DSCAM: variants seen among roughly 807,000 people sequenced by gnomAD.
DSCAM encodes cell adhesion molecule DSCAM.
DSCAM carries 47 observed loss-of-function variants against 217.7 expected under a neutral mutation model. The observed-to-expected ratio is 0.22, with a 90% CI of 0.17 to 0.28. The LOEUF (loss-of-function observed/expected upper bound fraction) is 0.28. DSCAM is among the 10% of genes least tolerant of loss of function. The pLI, the probability that DSCAM is intolerant of heterozygous loss-of-function variation, is 1.00. For missense variants in DSCAM, 2,080 were observed against 2,618.3 expected (o/e 0.79, Z 4.49); for synonymous variants, 1,056 against 1,015.3 (o/e 1.04, Z -0.76).
At chr21:40,663,895 T>TG (rs2090170984) in intron 3 of DSCAM, among the ~76,000 whole-genome samples, 1 of 152,204 alleles carries the variant, frequency 6.6e-6, no homozygotes, top group South Asian at 2.1e-4. Flanking sequence ...GTTTGTCACT[T>TG]GCAATCAAGA....
intron 1 of DSCAM, among the ~76,000 whole-genome samples, chr21:40,808,319 T>C (rs6517617): frequency 3.3e-5 from 5 of 152,148 alleles, no homozygotes; most frequent in African/African-American, 9.6e-5. Flanking sequence ...AGACCCAAAG[T>C]TCACAAAAAA....
chr21:40,253,135 C>T (rs2073327091), intron 11 of DSCAM, among the ~76,000 whole-genome samples: 1 of 152,132 alleles, frequency 6.6e-6, no homozygotes, highest in Non-Finnish European at 1.5e-5. Context: ...GCCTAAGTTT[C>T]CATGGACACT....
chr21:40,662,057 C>A (rs1016303504), intron 3 of DSCAM, among the ~76,000 whole-genome samples: 3 of 152,112 alleles, frequency 2.0e-5, no homozygotes, highest in Non-Finnish European at 4.4e-5. Context: ...AGCCCGTGGG[C>A]ATCAGCACTG....
At chr21:40,138,557 G>T (rs983841224) in intron 18 of DSCAM, among the ~76,000 whole-genome samples, 3 of 147,916 alleles carry the variant, frequency 2.0e-5, no homozygotes, top group African/African-American at 7.5e-5. Flanking sequence ...TATGTGTGGT[G>T]TGTGACATAT....
At chr21:40,632,974 A>G (rs776196628) in intron 3 of DSCAM, among the ~76,000 whole-genome samples, 26 of 152,220 alleles carry the variant, frequency 1.7e-4, no homozygotes, top group Non-Finnish European at 2.5e-4. Flanking sequence ...TATTTGTCCT[A>G]AGAGAATTTA....
Position 40,692,791 on chromosome 21 carries a change from C to T in DSCAM, c.508+19G>A. ...GAAGGTGAGCGTGGTGTCCTGCACCCTGGAGACGCAAAGCCTACCTGAGAC... is the reference window on the plus strand; with the variant it reads ...GAAGGTGAGCGTGGTGTCCTGCACCTTGGAGACGCAAAGCCTACCTGAGAC... On this transcript the variant is annotated intron_variant, in intron 3 of 32. Coordinates refer to ENST00000400454, the MANE Select transcript of DSCAM (RefSeq NM_001389.5). 5 of 1,606,290 alleles carry T rather than the reference C, an allele frequency of 3.1e-6. No homozygotes were observed. The highest frequency in any genetic ancestry group is 4.3e-6 in the Non-Finnish European group (5 of 1,173,612).
intron 3 of DSCAM, among the ~76,000 whole-genome samples, chr21:40,557,365 T>A (rs190266475): frequency 2.6e-5 from 4 of 152,274 alleles, no homozygotes; most frequent in African/African-American, 9.6e-5. Context: ...GCTTCTTTTT[T>A]TCTTTTTTAG....
intron 1 of DSCAM, among the ~76,000 whole-genome samples, chr21:40,809,915 C>T (rs1328012735): frequency 6.6e-6 from 1 of 152,194 alleles, no homozygotes; most frequent in Non-Finnish European, 1.5e-5. Flanking sequence ...CATTTAGCTA[C>T]AGATCCAGCA....
chr21:40,057,915 GC>G (rs755931718), intron 28 of DSCAM, among the ~76,000 whole-genome samples: 8 of 115,416 alleles, frequency 6.9e-5, no homozygotes, highest in Non-Finnish European at 1.3e-4. Context: ...TTGCTCTGTT[GC>G]CCAGGCTGGA....
intron 1 of DSCAM, among the ~76,000 whole-genome samples, chr21:40,825,607 G>A (rs536382275): frequency 6.6e-5 from 10 of 152,202 alleles, no homozygotes; most frequent in Admixed American, 2.0e-4. Context: ...ATGAGCCACC[G>A]TGCCTGGCCT....
chr21:40,737,360 C>T (rs2091074689), intron 1 of DSCAM, among the ~76,000 whole-genome samples: 1 of 152,120 alleles, frequency 6.6e-6, no homozygotes, highest in Admixed American at 6.5e-5. Flanking sequence ...CAGCAACCGG[C>T]CGGACAGTGG....
chr21:40,787,295 C>T (rs7283802), intron 1 of DSCAM, among the ~76,000 whole-genome samples: 31,296 of 152,026 alleles, frequency 0.21, 4,146 homozygotes, highest in African/African-American at 0.38. Context: ...TACATCTTGC[C>T]GAATGATGTG....
At chr21:40,446,827 G>T (rs1037974312) in intron 3 of DSCAM, among the ~76,000 whole-genome samples, 1 of 152,132 alleles carries the variant, frequency 6.6e-6, no homozygotes, top group African/African-American at 2.4e-5. Flanking sequence ...TAGTACTTAA[G>T]AATGAAAATA....
At chr21:40,122,709 AAC>A (rs2090048021) in intron 20 of DSCAM, among the ~76,000 whole-genome samples, 1 of 152,190 alleles carries the variant, frequency 6.6e-6, no homozygotes. Flanking sequence ...TGTGGAGTCT[AAC>A]TCTGACTATT....
intron 20 of DSCAM, among the ~76,000 whole-genome samples, chr21:40,112,214 G>C (rs558108334): frequency 6.8e-6 from 1 of 147,686 alleles, no homozygotes; most frequent in African/African-American, 2.5e-5. Context: ...ATAACAAACT[G>C]TCTCTCAGAC....
intron 27 of DSCAM, among the ~76,000 whole-genome samples, chr21:40,071,011 G>A (rs938904079): frequency 3.9e-5 from 6 of 152,180 alleles, no homozygotes; most frequent in African/African-American, 1.4e-4. Context: ...CTTATTTGAA[G>A]TCCTGCAGGT....
At chr21:40,840,599 C>G (rs183573120) in intron 1 of DSCAM, among the ~76,000 whole-genome samples, 2 of 152,262 alleles carry the variant, frequency 1.3e-5, no homozygotes, top group South Asian at 2.1e-4. Context: ...TGTTGTGCAA[C>G]AGTGATGAAG....
In DSCAM at chr21:40,219,157, C is replaced by T. The variant is rs140190650; in HGVS notation, c.2357-29919G>A. Among the ~76,000 whole-genome samples, 673 of 152,204 alleles carry T rather than the reference C, an allele frequency of 4.4e-3. 7 individuals are homozygous for T. Among genetic ancestry groups the T allele is most frequent in the African/African-American group, 0.016 (651 of 41,538 alleles). On this transcript the variant is annotated intron_variant, in intron 11 of 32. Transcript: ENST00000400454. ...TATTTTAAGGTATGTTCCTTCAATA[C>T]CTAGTTTATTGAGAGTTTTGAAATG...
intron 32 of DSCAM, among the ~76,000 whole-genome samples, chr21:40,033,234 G>A (rs909779536): frequency 5.3e-5 from 8 of 152,314 alleles, no homozygotes; most frequent in South Asian, 2.1e-4. Context: ...CGCAGAAGAC[G>A]GGTGATTTCG....
Sources: allele counts gnomAD v4.1 joint callset (sites outside exome capture counted in the v4.1 genomes callset), GRCh38; gene constraint gnomAD v4.1.1; transcripts MANE v1.5; gene names NCBI Gene and HGNC (gene_info 2026-07-23, HGNC 2026-07-21).